The following TRIM9 variants were observed in gnomAD, a reference collection of about 807,000 sequenced individuals.
TRIM9 encodes the protein tripartite motif containing 9.
In TRIM9, 26 loss-of-function variants were observed where a neutral mutation model predicts 78.3. The observed-to-expected ratio is 0.33, with a 90% CI of 0.24 to 0.46. The LOEUF is 0.46. Ranked by LOEUF, TRIM9 falls within the 20% of genes least tolerant of loss-of-function variation. The pLI, the probability that TRIM9 is intolerant of heterozygous loss-of-function variation, is 1.00. For synonymous variants in TRIM9, 398 were observed against 416.5 expected (o/e 0.96, Z 0.54); for missense variants, 787 against 1,036.4 (o/e 0.76, Z 3.30).
chr14:51,064,330 T>C (rs1035178536), intron 1 of TRIM9, among the ~76,000 whole-genome samples: 1 of 151,896 alleles, frequency 6.6e-6, no homozygotes, highest in African/African-American at 2.4e-5. Flanking sequence ...AAACAAGCAA[T>C]AAGCAGGTGG....
At chr14:50,978,622 T>A (rs2051378128) in intron 12 of TRIM9, among the ~76,000 whole-genome samples, 1 of 152,194 alleles carries the variant, frequency 6.6e-6, no homozygotes, top group African/African-American at 2.4e-5. Context: ...ACACCACTCA[T>A]GGGCCCTTGG....
chr14:51,036,727 C>A (rs1172876988), intron 1 of TRIM9, among the ~76,000 whole-genome samples: 6 of 152,142 alleles, frequency 3.9e-5, no homozygotes, highest in African/African-American at 1.4e-4. Context: ...TACGCAGAAC[C>A]CATGCATACA....
intron 1 of TRIM9, among the ~76,000 whole-genome samples, chr14:51,048,393 TGCTG>T (rs1377915114): frequency 5.3e-5 from 8 of 152,352 alleles, no homozygotes; most frequent in African/African-American, 1.7e-4. Flanking sequence ...GGTATCAGGA[TGCTG>T]AGTAAGTGTT....
At chr14:51,000,552 G>A (rs905485985) in intron 6 of TRIM9, 131 bp downstream of exon 6, 12 of 1,227,372 alleles carry the variant, frequency 9.8e-6, no homozygotes, top group African/African-American at 1.5e-5. Flanking sequence ...TTCAGGTGAA[G>A]GGCAGGCAGG....
chr14:51,077,259 T>C (rs2062863629), intron 1 of TRIM9, among the ~76,000 whole-genome samples: 2 of 152,110 alleles, frequency 1.3e-5, no homozygotes, highest in African/African-American at 4.8e-5. Flanking sequence ...GGATGCAGCC[T>C]CATGTTTCCC....
intron 1 of TRIM9, among the ~76,000 whole-genome samples, chr14:51,067,251 C>T (rs776181517): frequency 1.4e-4 from 21 of 152,266 alleles, no homozygotes; most frequent in Non-Finnish European, 2.5e-4. Flanking sequence ...TAATAGTCAT[C>T]CTTGATTTCT....
intron 1 of TRIM9, chr14:51,090,508 T>C (rs1042363969): frequency 6.6e-6 from 1 of 152,186 alleles, no homozygotes. Flanking sequence ...AGATTAAGAA[T>C]GAATAGTGTT....
chr14:51,013,132 C>T (rs1025539648), intron 3 of TRIM9, among the ~76,000 whole-genome samples: 1 of 152,032 alleles, frequency 6.6e-6, no homozygotes, highest in African/African-American at 2.4e-5. Flanking sequence ...CCTGTGTTCT[C>T]TCCCAGGAGT....
chr14:51,057,313 C>T (rs1207658460), intron 1 of TRIM9, among the ~76,000 whole-genome samples: 1 of 152,148 alleles, frequency 6.6e-6, no homozygotes, highest in Non-Finnish European at 1.5e-5. Context: ...AATTAAAATG[C>T]TGCTTTTGTC....
rs1469842430 is a variant in TRIM9 at position 50,977,251 on chromosome 14, G to A, written c.*40C>T. On this transcript the variant is annotated 3_prime_UTR_variant, in exon 13 of 13. Coordinates refer to ENST00000684578, the MANE Select transcript of TRIM9 (RefSeq NM_001387360.1). ...GCTCCTTGCTGTGGCTCTCGCAGGCGGAGGTAAGAACAGGCAGCTGGCGCC... is the reference window on the plus strand; with the variant it reads ...GCTCCTTGCTGTGGCTCTCGCAGGCAGAGGTAAGAACAGGCAGCTGGCGCC... 10 of 1,404,334 alleles carry A rather than the reference G, an allele frequency of 7.1e-6. No homozygotes were observed. The highest frequency in any genetic ancestry group is 1.7e-5 in the South Asian group (1 of 58,076). 87.0% of individuals were successfully genotyped at this position (1,404,334 alleles called of 1,614,324 possible).
chr14:51,019,894 C>T (rs1241290423), intron 3 of TRIM9, among the ~76,000 whole-genome samples: 2 of 152,164 alleles, frequency 1.3e-5, no homozygotes, highest in Non-Finnish European at 2.9e-5. Context: ...TCCATCTTGC[C>T]TCAGAACCAG....
chr14:50,987,709 G>A (rs2052898835), intron 7 of TRIM9, among the ~76,000 whole-genome samples: 1 of 152,048 alleles, frequency 6.6e-6, no homozygotes, highest in Non-Finnish European at 1.5e-5. Flanking sequence ...CAACACCCAA[G>A]CACCACAAAC....
chr14:50,998,498 G>C (rs1053334081), intron 6 of TRIM9, among the ~76,000 whole-genome samples: 2 of 152,056 alleles, frequency 1.3e-5, no homozygotes, highest in Admixed American at 6.6e-5. Context: ...AGCAGCTAGG[G>C]CTTAAAAAAA....
chr14:50,983,156 C>T (rs28504356), intron 9 of TRIM9, among the ~76,000 whole-genome samples, 191 bp from the exon 10 acceptor site: 71,418 of 152,102 alleles, frequency 0.47, 17,311 homozygotes, highest in South Asian at 0.63. Flanking sequence ...GTGCTTTGCA[C>T]TGATGTAAAA....
chr14:50,998,079 C>G lies in TRIM9; in HGVS notation c.1574G>C (p.Ser525Thr), dbSNP rs752202038. 2 of 1,614,212 alleles carry G rather than the reference C, an allele frequency of 1.2e-6. No individual in the cohort carries two copies. Among genetic ancestry groups the G allele is most frequent in the Non-Finnish European group, 1.7e-6 (2 of 1,180,034 alleles). The change falls in exon 7 of 13, where the codon AGC (serine) becomes ACC (threonine). Residue 525 changes from serine to threonine, a missense_variant. This residue lies in a region of TRIM9 where 421 missense variants were observed against 514.3 expected (regional missense o/e 0.82). Transcript: ENST00000684578. ...AFNKTGVSPY[S>T]KTLVLQTSED... ...AGACGTTTGGAGGACCAGGGTCTTG[C>G]TGTACGGGCTGACTCCTGTTTTGTT...
Position 51,009,247 on chromosome 14 carries a change from G to A in TRIM9, c.1153-14C>T. 6.2e-7 allele frequency: 1 copy of A among 1,613,724 alleles called. No homozygotes were observed. Among genetic ancestry groups the A allele is most frequent in the Non-Finnish European group, 8.5e-7 (1 of 1,179,786 alleles). On this transcript the variant is annotated splice_polypyrimidine_tract_variant and intron_variant, in intron 4 of 12. Coordinates refer to ENST00000684578, the MANE Select transcript of TRIM9 (RefSeq NM_001387360.1). ...GGCGTCAGAAATCTAATCAGATAAA[G>A]AGGACCACAGCCTAAGAAATACACC...
At chr14:51,022,772 C>T (rs1189770544) in intron 3 of TRIM9, 63 bp downstream of exon 3, 6 of 1,601,220 alleles carry the variant, frequency 3.7e-6, no homozygotes, top group Middle Eastern at 1.7e-4. Context: ...CCCAGCCTGT[C>T]CATCATGCCC....
At chr14:51,019,107 C>T (rs1320967950) in intron 3 of TRIM9, among the ~76,000 whole-genome samples, 1 of 152,212 alleles carries the variant, frequency 6.6e-6, no homozygotes, top group Non-Finnish European at 1.5e-5. Flanking sequence ...CATAAATTCC[C>T]TGTGAGGAGC....
At chr14:51,011,500 A>G (rs2056579091) in intron 3 of TRIM9, among the ~76,000 whole-genome samples, 1 of 152,182 alleles carries the variant, frequency 6.6e-6, no homozygotes, top group East Asian at 1.9e-4. Flanking sequence ...TTTGAAGCGT[A>G]AAATTGAAGA....
Sources: allele counts gnomAD v4.1 joint callset (sites outside exome capture counted in the v4.1 genomes callset), GRCh38; gene constraint gnomAD v4.1.1; regional missense constraint gnomAD v4.1.1; transcripts MANE v1.5; gene names NCBI Gene and HGNC (gene_info 2026-07-23, HGNC 2026-07-21).